NAPEPLD: variants seen among roughly 807,000 people sequenced by gnomAD.
The protein encoded by NAPEPLD is N-acyl-phosphatidylethanolamine-hydrolyzing phospholipase D.
A neutral mutation model predicts 38.1 loss-of-function variants in NAPEPLD; 23 were observed. The ratio of observed to expected loss-of-function variants is 0.60; its 90% CI spans 0.43 to 0.86. NAPEPLD has a LOEUF of 0.86. NAPEPLD is among the 40% of genes least tolerant of loss of function. NAPEPLD has a pLI of 0.00. For synonymous variants in NAPEPLD, 147 were observed against 162.0 expected, an observed-to-expected ratio of 0.91 and a Z score of 0.71; for missense variants, 411 against 476.8, an observed-to-expected ratio of 0.86 and a Z score of 1.28.
At chr7:103,115,205 A>G in intron 3 of NAPEPLD, 31 bp from the exon 4 acceptor site, 2 of 1,509,098 alleles carry the variant, frequency 1.3e-6, no homozygotes, top group Non-Finnish European at 1.8e-6. Context: ...CTTAATTCTG[A>G]CCTTTGAGAT....
chr7:103,141,444 T>C, intron 1 of NAPEPLD: 1 of 941,044 alleles, frequency 1.1e-6, no homozygotes, highest in Non-Finnish European at 1.8e-6. Context: ...GCTTCCTTGG[T>C]CTTAGATCTG....
intron 1 of NAPEPLD, chr7:103,141,876 T>C (rs1053535943): frequency 4.9e-6 from 5 of 1,026,136 alleles, no homozygotes; most frequent in Non-Finnish European, 7.8e-6. Flanking sequence ...TCTAACCAGA[T>C]ATTCTTCTTG....
At chr7:103,119,481 C>A (rs1806188317) in intron 3 of NAPEPLD, 96 bp downstream of exon 3, 3 of 1,379,114 alleles carry the variant, frequency 2.2e-6, no homozygotes, top group South Asian at 1.5e-5. Context: ...CCATTAAAAT[C>A]ATAAATTACA....
chr7:103,137,338 C>G (rs1256515980), intron 1 of NAPEPLD, among the ~76,000 whole-genome samples: 3 of 152,084 alleles, frequency 2.0e-5, no homozygotes, highest in Non-Finnish European at 4.4e-5. Flanking sequence ...CATAAACACT[C>G]TAGAAGCTTC....
intron 1 of NAPEPLD, chr7:103,141,382 C>A (rs554721477): frequency 2.5e-6 from 2 of 801,788 alleles, no homozygotes; most frequent in African/African-American, 1.7e-5. Flanking sequence ...TGGACAAAGT[C>A]TTGATGATCT....
intron 4 of NAPEPLD, among the ~76,000 whole-genome samples, chr7:103,107,642 A>G (rs1315310795): frequency 6.6e-6 from 1 of 152,048 alleles, no homozygotes; most frequent in African/African-American, 2.4e-5. Context: ...AGCAGAAGAA[A>G]GGATATCAGA....
intron 1 of NAPEPLD, among the ~76,000 whole-genome samples, chr7:103,130,932 A>G (rs933883348): frequency 6.6e-6 from 1 of 152,180 alleles, no homozygotes; most frequent in Admixed American, 6.5e-5. Context: ...GTAAGCTCTC[A>G]TAGAATCACT....
chr7:103,122,812 C>G (rs1354651777), intron 2 of NAPEPLD, among the ~76,000 whole-genome samples: 1 of 152,184 alleles, frequency 6.6e-6, no homozygotes, highest in African/African-American at 2.4e-5. Flanking sequence ...ACATTCAAAG[C>G]TCTCCAGATT....
intron 4 of NAPEPLD, among the ~76,000 whole-genome samples, chr7:103,108,435 C>G (rs1803856113): frequency 6.6e-6 from 1 of 152,170 alleles, no homozygotes; most frequent in Non-Finnish European, 1.5e-5. Context: ...GCCACCACGC[C>G]CAGCTCAACA....
At chr7:103,127,214 T>C (rs1042205218) in intron 2 of NAPEPLD, 2 of 151,968 alleles carry the variant, frequency 1.3e-5, no homozygotes, top group South Asian at 2.1e-4. Flanking sequence ...TCAAAGTCTC[T>C]AGAGAGAAAA....
chr7:103,104,409 A>G (rs1313075547), intron 4 of NAPEPLD, among the ~76,000 whole-genome samples: 1 of 152,190 alleles, frequency 6.6e-6, no homozygotes, highest in Admixed American at 6.5e-5. Flanking sequence ...TACGGCACGC[A>G]CTGTTCAGAG....
At position 103,148,818 on chromosome 7, in the gene NAPEPLD, C is replaced by A. The variant is rs546247102; in HGVS notation, c.-24G>T. The A allele has an allele frequency of 2.1e-5, 21 of 985,366 alleles. No individual in the cohort carries two copies. In the South Asian group the frequency reaches 8.9e-4, roughly 42 times the overall value. The allele number at this position is 985,366 out of a possible 1,614,324, so 61.0% of individuals were successfully genotyped here. A position where few individuals can be genotyped will look rare whatever the true frequency, so the allele number is the denominator to read the frequency against. On this transcript the variant is annotated 5_prime_UTR_variant, in exon 1 of 5. Transcript: ENST00000465647. ...AAAAGAAGATAAACCCACATGTATT[C>A]CTATCAGTGAAGATGCAACCTGGTA...
intron 4 of NAPEPLD, among the ~76,000 whole-genome samples, chr7:103,105,954 AAAAG>A (rs1490485331): frequency 3.3e-5 from 5 of 151,514 alleles, no homozygotes; most frequent in South Asian, 2.1e-4. Flanking sequence ...AAAAAAAAAA[AAAAG>A]GCTGAAGAGG....
intron 4 of NAPEPLD, among the ~76,000 whole-genome samples, chr7:103,110,847 A>C (rs750380364): frequency 6.6e-4 from 101 of 152,150 alleles, no homozygotes; most frequent in Admixed American, 2.2e-3. Flanking sequence ...CTCAACCCAA[A>C]ATCTCCTTAA....
chr7:103,149,202 G>A (rs1271124605), upstream of NAPEPLD: 2 of 996,314 alleles, frequency 2.0e-6, no homozygotes, highest in Admixed American at 6.1e-5. Flanking sequence ...AAACCACGGA[G>A]CTCCGGACAC....
At chr7:103,129,031 C>T (rs750895710) in intron 1 of NAPEPLD, among the ~76,000 whole-genome samples, 1 of 152,080 alleles carries the variant, frequency 6.6e-6, no homozygotes, top group Non-Finnish European at 1.5e-5. Context: ...TTTGGAAGGC[C>T]GAGGCAGACA....
intron 1 of NAPEPLD, among the ~76,000 whole-genome samples, chr7:103,134,637 AAAAT>A (rs965859954): frequency 2.6e-5 from 4 of 152,176 alleles, no homozygotes; most frequent in Non-Finnish European, 4.4e-5. Context: ...ACTCCATCTC[AAAAT>A]AAATAAATAA....
rs1275575972 is a variant in NAPEPLD, at chr7:103,102,530, G to A, written c.*899C>T. On this transcript the variant is annotated 3_prime_UTR_variant, in exon 5 of 5. Transcript: ENST00000465647. ...CTTTTTTCTTTTTTTTTTTCCGAGAGAGACGGGAGGTCACCATGTTGCCCA... is the reference window on the plus strand; with the variant it reads ...CTTTTTTCTTTTTTTTTTTCCGAGAAAGACGGGAGGTCACCATGTTGCCCA... 1 of 151,224 alleles carries A rather than the reference G, an allele frequency of 6.6e-6. No homozygotes were observed. Among genetic ancestry groups the A allele is most frequent in the East Asian group, 1.9e-4 (1 of 5,166 alleles). The allele number at this position is 151,224 out of a possible 1,614,324, so 9.4% of individuals were successfully genotyped here.
intron 4 of NAPEPLD, among the ~76,000 whole-genome samples, chr7:103,103,798 C>T (rs1238532731): frequency 6.6e-6 from 1 of 152,152 alleles, no homozygotes; most frequent in Non-Finnish European, 1.5e-5. Context: ...AATTTGGTGC[C>T]ATCTTACTTT....
Sources: allele counts gnomAD v4.1 joint callset (sites outside exome capture counted in the v4.1 genomes callset), GRCh38; gene constraint gnomAD v4.1.1; transcripts MANE v1.5; gene names NCBI Gene and HGNC (gene_info 2026-07-23, HGNC 2026-07-21).